Variants in DHRS7 observed in about 807,000 individuals in gnomAD.
The protein encoded by DHRS7 is dehydrogenase/reductase SDR family member 7.
DHRS7 carries 34 observed loss-of-function variants against 38.9 expected under a neutral mutation model. The ratio of observed to expected loss-of-function variants is 0.87; its 90% CI spans 0.66 to 1.16. The LOEUF (loss-of-function observed/expected upper bound fraction) is 1.16. DHRS7 is among the 50% of genes most tolerant of loss of function. The probability of loss-of-function intolerance (pLI) is 0.00; values close to 1 mark genes in which losing one functional copy is unlikely to be tolerated. For synonymous variants in DHRS7, 158 were observed against 153.1 expected, an observed-to-expected ratio of 1.03 and a Z score of -0.24; for missense variants, 421 against 407.0, an observed-to-expected ratio of 1.03 and a Z score of -0.30.
At chr14:60,158,457 AG>A (rs1595198207) in intron 1 of DHRS7, among the ~76,000 whole-genome samples, 2 of 151,890 alleles carry the variant, frequency 1.3e-5, no homozygotes, top group African/African-American at 4.8e-5. Context: ...ATCACACTCT[AG>A]AGTGAATATC....
At chr14:60,166,501 G>A (rs564649345), upstream of DHRS7, among the ~76,000 whole-genome samples, 32 of 152,188 alleles carry the variant, frequency 2.1e-4, no homozygotes, top group Non-Finnish European at 4.6e-4. Flanking sequence ...TCCCTCCCCA[G>A]TGTTGTTTTC....
chr14:60,163,415 A>G (rs1179256644), intron 1 of DHRS7, among the ~76,000 whole-genome samples: 2 of 152,130 alleles, frequency 1.3e-5, no homozygotes, highest in Non-Finnish European at 2.9e-5. Flanking sequence ...TAGCCTCCAG[A>G]GTAGTTGGGA....
chr14:60,159,425 A>G (rs183435783), intron 1 of DHRS7: 22 of 222,852 alleles, frequency 9.9e-5, no homozygotes, highest in Admixed American at 8.2e-4. Context: ...TTGTGGTTTC[A>G]TTGAATATTT....
In DHRS7 at chr14:60,165,277, C is replaced by A; in HGVS notation, c.33G>T (p.Val11=). MNWELLLWLL[V]LCALLLLLVQ... Reference sequence around the variant, plus strand: ...CCAAGAGCAGGAGCAGCGCGCACAGCACCAGCAGCCACAGCAGCAGCTCCC... The same window carrying A: ...CCAAGAGCAGGAGCAGCGCGCACAGAACCAGCAGCCACAGCAGCAGCTCCC... Residue 11 remains valine (V), a synonymous_variant, in exon 1 of 7, where the codon GTG becomes GTT. Transcript: ENST00000557185. The surrounding 1 kb of genome is among the most constrained non-coding windows in gnomAD (Gnocchi z 4.6). 6.3e-7 allele frequency: 1 copy of A among 1,598,652 alleles called. No homozygotes were observed. The highest frequency in any genetic ancestry group is 8.5e-7 in the Non-Finnish European group (1 of 1,175,404).
rs1249617671 is a variant in DHRS7, at chr14:60,144,749, T to C, written c.*217A>G. ...GCTAAAGTATTTTAAAAGGTTATTTTATCCAAGAATATAGTATGAGTTAAT... is the reference window on the plus strand; with the variant it reads ...GCTAAAGTATTTTAAAAGGTTATTTCATCCAAGAATATAGTATGAGTTAAT... On this transcript the variant is annotated 3_prime_UTR_variant, in exon 7 of 7. Transcript: ENST00000557185. 15 of 496,150 alleles carry C rather than the reference T, an allele frequency of 3.0e-5. No homozygotes were observed. The Admixed American group carries it at 5.5e-4, about 18-fold the overall frequency. 30.7% of individuals were successfully genotyped at this position (496,150 alleles called of 1,614,324 possible). A position where few individuals can be genotyped will look rare whatever the true frequency, so the allele number is the denominator to read the frequency against.
Position 60,161,758 on chromosome 14 carries a change from G to T in DHRS7, c.133+3419C>A. ...CACTTCCCTTGTCCCCCAGAAGGTAGGGTCTATGAGGGCCTGGACTGTGGC... is the reference window on the plus strand; with the variant it reads ...CACTTCCCTTGTCCCCCAGAAGGTATGGTCTATGAGGGCCTGGACTGTGGC... On this transcript the variant is annotated intron_variant, in intron 1 of 6. Transcript: ENST00000557185. The surrounding 1 kb of genome is among the most constrained non-coding windows in gnomAD (Gnocchi z 4.2). Among the ~76,000 whole-genome samples the T allele has an allele frequency of 6.6e-6, 1 of 152,210 alleles. No homozygotes were observed. The highest frequency in any genetic ancestry group is 1.9e-4 in the East Asian group (1 of 5,196).
intron 2 of DHRS7, among the ~76,000 whole-genome samples, chr14:60,155,186 C>T (rs1896632336): frequency 6.6e-6 from 1 of 152,148 alleles, no homozygotes; most frequent in African/African-American, 2.4e-5. Flanking sequence ...CGGTGGCTCA[C>T]ACCTGTAATC....
At chr14:60,165,570 C>T (rs1332868073), upstream of DHRS7, 30 of 1,253,676 alleles carry the variant, frequency 2.4e-5, no homozygotes, top group South Asian at 6.2e-4. This position sits in a 1 kb window ranked among gnomAD's most constrained non-coding sequence, Gnocchi z 4.6. Context: ...TTCAAGTGTC[C>T]GAGACCAGCC....
rs941776978 is a variant in DHRS7, at chr14:60,152,292, T to C, written c.633+647A>G. Among the ~76,000 whole-genome samples the C allele has an allele frequency of 3.3e-5, 5 of 152,258 alleles. 1 individual carries two copies. Among genetic ancestry groups the C allele is most frequent in the Non-Finnish European group, 7.3e-5 (5 of 68,040 alleles). On this transcript the variant is annotated intron_variant, in intron 4 of 6. Transcript: ENST00000557185. ...ATTAAAAATTCATCCATTTCTAATA[T>C]TTATACATCGTAAGTTATGCAGTCC...
intron 2 of DHRS7, among the ~76,000 whole-genome samples, chr14:60,154,580 T>C (rs1450820102): frequency 6.6e-6 from 1 of 152,174 alleles, no homozygotes; most frequent in Non-Finnish European, 1.5e-5. Flanking sequence ...AGAAACATGC[T>C]GCTGCTTTGT....
chr14:60,156,032 T>G lies in DHRS7; in HGVS notation c.254A>C (p.His85Pro). Residue 85 changes from histidine (H) to proline (P), a missense_variant, in exon 2 of 7, where the codon CAT becomes CCT. Coordinates refer to ENST00000557185, the MANE Select transcript of DHRS7 (RefSeq NM_016029.4). ...TCTTCTTTTCACCCTTTCCAGCTCA[T>G]GCACTCTTCTGGCTGACAGCACAAG... ...VSLVLSARRV[H>P]ELERVKRRCL... 1.3e-6 allele frequency: 2 copies of G among 1,594,362 alleles called. No homozygotes were observed. Among genetic ancestry groups the G allele is most frequent in the Non-Finnish European group, 1.7e-6 (2 of 1,170,862 alleles).
At chr14:60,152,774 A>C in intron 4 of DHRS7, 165 bp downstream of exon 4, 2 of 656,350 alleles carry the variant, frequency 3.0e-6, no homozygotes, top group South Asian at 3.9e-5. Context: ...GTGTGGATCA[A>C]GTCTTTTTTA....
chr14:60,155,899 C>T lies in DHRS7; in HGVS notation c.286+101G>A, dbSNP rs533141927. ...GATGAAGCATGTAGAACATTTGGAG[C>T]CGGGGGGAAATCTCACTCCTCTCTA... is the stretch of plus-strand genomic sequence containing the variant. On this transcript the variant is annotated intron_variant, in intron 2 of 6. Coordinates refer to ENST00000557185, the MANE Select transcript of DHRS7 (RefSeq NM_016029.4). 104 of 1,204,940 alleles carry T rather than the reference C, an allele frequency of 8.6e-5. No homozygotes were observed. The South Asian group carries it at 2.6e-3, about 30-fold the overall frequency. The allele number at this position is 1,204,940 out of a possible 1,614,324, so 74.6% of individuals were successfully genotyped here. A position where few individuals can be genotyped will look rare whatever the true frequency, so the allele number is the denominator to read the frequency against.
In DHRS7 at chr14:60,162,726, C is replaced by T. The variant is rs1896788441; in HGVS notation, c.133+2451G>A. Among the ~76,000 whole-genome samples the T allele has an allele frequency of 6.6e-6, 1 of 151,864 alleles. No homozygotes were observed. Among genetic ancestry groups the T allele is most frequent in the Non-Finnish European group, 1.5e-5 (1 of 67,972 alleles). On this transcript the variant is annotated intron_variant, in intron 1 of 6. Transcript: ENST00000557185. This position sits in a 1 kb window ranked among gnomAD's most constrained non-coding sequence, Gnocchi z 4.5. Reference sequence around the variant, plus strand: ...TATTTCAATTTTCCTTTAATCTTTTCTTCTTTCTCACTCCCTACCTCCACC... The same window carrying T: ...TATTTCAATTTTCCTTTAATCTTTTTTTCTTTCTCACTCCCTACCTCCACC...
At position 60,149,497 on chromosome 14, in the gene DHRS7, G is replaced by A; in HGVS notation, c.828C>T (p.Ser276=). ...AAACTTCTTTCAAATCATTGGCCAT[G>A]CTGATTAACATCAGCCGCACACAAC... ...TSRCVRLMLI[S]MANDLKEVWI... The change falls in exon 6 of 7, where the codon AGC becomes AGT. Residue 276 remains serine (S), a synonymous_variant. Coordinates refer to ENST00000557185, the MANE Select transcript of DHRS7 (RefSeq NM_016029.4). 2 of 1,614,146 alleles carry A rather than the reference G, an allele frequency of 1.2e-6. No individual in the cohort carries two copies. Among genetic ancestry groups the A allele is most frequent in the South Asian group, 2.2e-5 (2 of 91,086 alleles).
chr14:60,167,665 C>A (rs555371995), upstream of DHRS7, among the ~76,000 whole-genome samples: 2 of 151,756 alleles, frequency 1.3e-5, no homozygotes, highest in Non-Finnish European at 2.9e-5. Context: ...AGTCCCTAGG[C>A]GGGGGAAAAA....
At position 60,165,141 on chromosome 14, in the gene DHRS7, G is replaced by C; in HGVS notation, c.133+36C>G. On this transcript the variant is annotated intron_variant, in intron 1 of 6. Coordinates refer to ENST00000557185, the MANE Select transcript of DHRS7 (RefSeq NM_016029.4). This position sits in a 1 kb window ranked among gnomAD's most constrained non-coding sequence, Gnocchi z 4.6. ...ACACGCCTCGGCAGCTCCGAGCCCGGCCTCCCACTCGGGAGAGGCTTTGGC... is the reference window on the plus strand; with the variant it reads ...ACACGCCTCGGCAGCTCCGAGCCCGCCCTCCCACTCGGGAGAGGCTTTGGC... The C allele has an allele frequency of 6.2e-7, 1 of 1,607,948 alleles. No homozygotes were observed. The highest frequency in any genetic ancestry group is 8.5e-7 in the Non-Finnish European group (1 of 1,178,110).
chr14:60,155,966 T>C (rs1896649893), intron 2 of DHRS7, 34 bp downstream of exon 2: 1 of 1,470,042 alleles, frequency 6.8e-7, no homozygotes, highest in Non-Finnish European at 9.0e-7. Flanking sequence ...GATTTATTTC[T>C]AGGAAGCACC....
At chr14:60,154,133 T>G in intron 2 of DHRS7, 68 bp from the exon 3 acceptor site, 2 of 1,206,052 alleles carry the variant, frequency 1.7e-6, no homozygotes, top group South Asian at 2.5e-5. Context: ...CTACTCCCAC[T>G]AACACCCACC....
Sources: gnomAD v4.1 joint callset for allele counts (sites outside exome capture counted in the v4.1 genomes callset) on GRCh38, gnomAD v4.1.1 for gene constraint, Gnocchi (gnomAD v3.1) non-coding constraint, MANE v1.5 for transcripts, NCBI Gene and HGNC (gene_info 2026-07-23, HGNC 2026-07-21) for gene names.